BTBD9: variants seen among roughly 807,000 people sequenced by gnomAD.
The protein encoded by BTBD9 is BTB/POZ domain-containing protein 9.
BTBD9 carries 49 observed loss-of-function variants against 64.3 expected under a neutral mutation model. The ratio of observed to expected loss-of-function variants is 0.76; its 90% CI spans 0.61 to 0.97. BTBD9 has a LOEUF of 0.97. Ranked by LOEUF, BTBD9 falls within the 50% of genes least tolerant of loss-of-function variation. The pLI is 0.00. For synonymous variants in BTBD9, 260 were observed against 274.7 expected, an observed-to-expected ratio of 0.95 and a Z score of 0.53; for missense variants, 598 against 762.1, an observed-to-expected ratio of 0.78 and a Z score of 2.53.
chr6:38,608,854 T>C (rs1194823079), intron 1 of BTBD9, among the ~76,000 whole-genome samples: 2 of 152,224 alleles, frequency 1.3e-5, no homozygotes, highest in Non-Finnish European at 2.9e-5. Context: ...TTTTCCCCTA[T>C]ATAACCTCTT....
chr6:38,472,448 T>C (rs1008454537), intron 6 of BTBD9, among the ~76,000 whole-genome samples: 1 of 151,954 alleles, frequency 6.6e-6, no homozygotes, highest in African/African-American at 2.4e-5. Flanking sequence ...TCAGGCTGAG[T>C]TGGTTACTGA....
intron 6 of BTBD9, among the ~76,000 whole-genome samples, chr6:38,460,153 C>G (rs1770009685): frequency 6.6e-6 from 1 of 152,200 alleles, no homozygotes; most frequent in Non-Finnish European, 1.5e-5. Flanking sequence ...TGTTACAACA[C>G]TAAACTTCCA....
At chr6:38,573,692 C>T (rs1775889932) in intron 6 of BTBD9, among the ~76,000 whole-genome samples, 1 of 152,186 alleles carries the variant, frequency 6.6e-6, no homozygotes, top group African/African-American at 2.4e-5. Context: ...ACTTTGAATT[C>T]TACTTCTATC....
intron 6 of BTBD9, among the ~76,000 whole-genome samples, chr6:38,410,469 T>C (rs1562144931): frequency 6.6e-6 from 1 of 151,748 alleles, no homozygotes; most frequent in Non-Finnish European, 1.5e-5. Flanking sequence ...TGAGACCTTA[T>C]CTCAAAACAA....
chr6:38,503,160 A>G (rs1772290645), intron 6 of BTBD9, among the ~76,000 whole-genome samples: 3 of 152,056 alleles, frequency 2.0e-5, no homozygotes, highest in Non-Finnish European at 4.4e-5. Context: ...TCCATTCTCC[A>G]CAGCAGCTAC....
intron 6 of BTBD9, among the ~76,000 whole-genome samples, chr6:38,352,050 C>T (rs1302559896): frequency 6.6e-6 from 1 of 152,028 alleles, no homozygotes; most frequent in African/African-American, 2.4e-5. Context: ...TTAAGGTATA[C>T]TGGGTAAATC....
chr6:38,368,164 T>C (rs977600707), intron 6 of BTBD9, among the ~76,000 whole-genome samples: 1 of 152,188 alleles, frequency 6.6e-6, no homozygotes, highest in African/African-American at 2.4e-5. Context: ...ACTCCCCACT[T>C]TGAAATTTTA....
At chr6:38,245,069 C>T (rs1467259251) in intron 9 of BTBD9, among the ~76,000 whole-genome samples, 3 of 152,252 alleles carry the variant, frequency 2.0e-5, no homozygotes, top group South Asian at 4.2e-4. Context: ...AGCAATGGCA[C>T]GCATGCTTCT....
At chr6:38,440,926 AAGTT>A (rs1173549321) in intron 6 of BTBD9, among the ~76,000 whole-genome samples, 1 of 152,200 alleles carries the variant, frequency 6.6e-6, no homozygotes, top group Non-Finnish European at 1.5e-5. Flanking sequence ...ATTGAGTACT[AAGTT>A]AGCAAAGTAA....
At chr6:38,517,667 C>G (rs1195538660) in intron 6 of BTBD9, among the ~76,000 whole-genome samples, 18 of 152,168 alleles carry the variant, frequency 1.2e-4, no homozygotes, top group Admixed American at 9.8e-4. Flanking sequence ...GATAAATTCT[C>G]CCCCTTCTTT....
At position 38,592,559 on chromosome 6, in the gene BTBD9, G is replaced by T; in HGVS notation, c.814+17C>A. 1 of 1,612,444 alleles carries T rather than the reference G, an allele frequency of 6.2e-7. No homozygotes were observed. The highest frequency in any genetic ancestry group is 8.5e-7 in the Non-Finnish European group (1 of 1,178,826). On this transcript the variant is annotated intron_variant, in intron 4 of 10. Coordinates refer to ENST00000481247, the MANE Select transcript of BTBD9 (RefSeq NM_001099272.2). ...TACCAAGCTTCTTGGTTGAGTTTAGGATAGACAGGTACTTACTGAGCATGC... is the reference window on the plus strand; with the variant it reads ...TACCAAGCTTCTTGGTTGAGTTTAGTATAGACAGGTACTTACTGAGCATGC...
intron 6 of BTBD9, among the ~76,000 whole-genome samples, chr6:38,410,922 G>A (rs1003140108): frequency 2.0e-5 from 3 of 152,050 alleles, no homozygotes; most frequent in Admixed American, 1.3e-4. Flanking sequence ...TATTATTCAT[G>A]CAAGTGGTTC....
At chr6:38,343,906 TTAA>T (rs1423490968) in intron 7 of BTBD9, among the ~76,000 whole-genome samples, 2 of 152,062 alleles carry the variant, frequency 1.3e-5, no homozygotes, top group Non-Finnish European at 2.9e-5. Context: ...ATTCAAAGAG[TTAA>T]TAAACATTTG....
At chr6:38,478,261 G>A (rs187322849) in intron 6 of BTBD9, among the ~76,000 whole-genome samples, 37 of 152,130 alleles carry the variant, frequency 2.4e-4, no homozygotes, top group Non-Finnish European at 1.8e-4. Context: ...CTGAGTACTG[G>A]GCTCTCATGA....
intron 9 of BTBD9, among the ~76,000 whole-genome samples, chr6:38,211,587 T>C (rs1359040008): frequency 1.3e-5 from 2 of 151,174 alleles, no homozygotes; most frequent in Non-Finnish European, 2.9e-5. Flanking sequence ...TACTAAAAAA[T>C]ACAAAAATTA....
intron 1 of BTBD9, among the ~76,000 whole-genome samples, chr6:38,635,258 C>T (rs1045856266): frequency 2.0e-5 from 3 of 152,036 alleles, no homozygotes; most frequent in Non-Finnish European, 4.4e-5. Flanking sequence ...GCCTTAACCT[C>T]CTGAGTAGCT....
intron 6 of BTBD9, among the ~76,000 whole-genome samples, chr6:38,394,795 G>A (rs952787779): frequency 2.6e-5 from 4 of 152,072 alleles, no homozygotes; most frequent in Admixed American, 2.0e-4. Flanking sequence ...ATCTGCCAAC[G>A]GCCAGTGTCA....
intron 1 of BTBD9, among the ~76,000 whole-genome samples, chr6:38,609,168 CA>C (rs1562415153): frequency 6.6e-6 from 1 of 152,170 alleles, no homozygotes; most frequent in African/African-American, 2.4e-5. Flanking sequence ...AAAGAGTTTA[CA>C]GCCTGGGCAA....
At chr6:38,299,442 A>G (rs1762299879) in intron 7 of BTBD9, among the ~76,000 whole-genome samples, 1 of 152,204 alleles carries the variant, frequency 6.6e-6, no homozygotes, top group South Asian at 2.1e-4. Flanking sequence ...ACTGACTTCC[A>G]CAATGGTTGA....
Sources: allele counts gnomAD v4.1 joint callset (sites outside exome capture counted in the v4.1 genomes callset), GRCh38; gene constraint gnomAD v4.1.1; transcripts MANE v1.5; gene names NCBI Gene and HGNC (gene_info 2026-07-23, HGNC 2026-07-21).